The following VPS41 variants were observed in gnomAD, a reference collection of about 807,000 sequenced individuals.
VPS41 encodes the protein VPS41 subunit of HOPS complex, also known as vacuolar protein sorting-associated protein 41 homolog.
In VPS41, 85 loss-of-function variants were observed where a neutral mutation model predicts 130.9. The ratio of observed to expected loss-of-function variants is 0.65; its 90% CI spans 0.55 to 0.78. VPS41 has a LOEUF of 0.78. Ranked by LOEUF, VPS41 falls within the 30% of genes least tolerant of loss-of-function variation. The pLI is 0.00. For synonymous variants in VPS41, 335 were observed against 332.9 expected (o/e 1.01, Z -0.07); for missense variants, 874 against 1,018.7 (o/e 0.86, Z 1.93).
rs3839727 is a variant in VPS41 at position 38,756,213 on chromosome 7, TACACACACACAC to T, written c.1695+613_1695+624del. Reference sequence around the variant, plus strand: ...TGAGCACTTGTAATTAGATTTCTTTTACACACACACACACACACACACACACACACACACACA... The same window carrying T: ...TGAGCACTTGTAATTAGATTTCTTTTACACACACACACACACACACACACA... On this transcript the variant is annotated intron_variant, in intron 19 of 28. Transcript: ENST00000310301. Among the ~76,000 whole-genome samples the T allele has an allele frequency of 6.8e-5, 10 of 146,652 alleles. No homozygotes were observed. The East Asian group carries it at 8.3e-4, about 12-fold the overall frequency.
chr7:38,833,749 T>C (rs1785437079), intron 4 of VPS41, among the ~76,000 whole-genome samples: 1 of 152,140 alleles, frequency 6.6e-6, no homozygotes, highest in Non-Finnish European at 1.5e-5. Context: ...GAGAGAATGT[T>C]CAAAGAATAA....
At chr7:38,884,322 AT>A (rs765025750) in intron 2 of VPS41, among the ~76,000 whole-genome samples, 60 of 152,346 alleles carry the variant, frequency 3.9e-4, no homozygotes, top group Non-Finnish European at 7.8e-4. Flanking sequence ...ACTAAATAGC[AT>A]ACAGGTTTAT....
chr7:38,863,123 C>T (rs186796365), intron 3 of VPS41, among the ~76,000 whole-genome samples: 251 of 152,270 alleles, frequency 1.6e-3, no homozygotes, highest in Admixed American at 2.5e-3. Context: ...TGTACTTATA[C>T]CATCAGTTAG....
rs1186231020 is a variant in VPS41 at position 38,745,851 on chromosome 7, G to A, written c.1927-238C>T. 5.3e-5 allele frequency: 23 copies of A among 433,490 alleles called. No individual in the cohort carries two copies. The East Asian group carries it at 9.1e-4, about 17-fold the overall frequency. 26.9% of individuals were successfully genotyped at this position (433,490 alleles called of 1,614,324 possible). On this transcript the variant is annotated intron_variant, in intron 22 of 28. Transcript: ENST00000310301. ...TTTGAAGCTACTCAGAACATTTCAT[G>A]AGCAAGAGTAGAAAACAAGACACCA...
intron 25 of VPS41, among the ~76,000 whole-genome samples, chr7:38,739,996 T>C (rs1016719523): frequency 3.9e-5 from 6 of 152,220 alleles, no homozygotes; most frequent in African/African-American, 1.4e-4. Flanking sequence ...TAAAAATGAA[T>C]GAACACTGAG....
rs200353754 is a variant in VPS41 at position 38,752,158 on chromosome 7, G to A, written c.1926+18C>T. ...CCTCTTCATCCAAAGTGTACAAGTC[G>A]GGGAGTCTGTGCCTTACCTTTTCAA... On this transcript the variant is annotated intron_variant, in intron 22 of 28. Transcript: ENST00000310301. 46 of 1,613,456 alleles carry A rather than the reference G, an allele frequency of 2.9e-5. No individual in the cohort carries two copies. The highest frequency in any genetic ancestry group is 3.6e-5 in the Non-Finnish European group (42 of 1,179,636).
At chr7:38,908,762 C>A (rs1190386714) in intron 1 of VPS41, among the ~76,000 whole-genome samples, 1 of 152,240 alleles carries the variant, frequency 6.6e-6, no homozygotes, top group Non-Finnish European at 1.5e-5. Flanking sequence ...TCTACTCTCT[C>A]CTAGTTCTTA....
At chr7:38,812,704 A>T (rs1784968271) in intron 7 of VPS41, among the ~76,000 whole-genome samples, 1 of 152,114 alleles carries the variant, frequency 6.6e-6, no homozygotes, top group South Asian at 2.1e-4. Flanking sequence ...AATTAAAAAA[A>T]CCCAATTAAA....
intron 1 of VPS41, among the ~76,000 whole-genome samples, chr7:38,902,811 T>C (rs190413440): frequency 1.4e-3 from 216 of 152,346 alleles, no homozygotes; most frequent in Middle Eastern, 3.4e-3. Context: ...GCACTCAGCC[T>C]GAGGACATTC....
intron 2 of VPS41, among the ~76,000 whole-genome samples, chr7:38,887,912 T>C (rs7800167): frequency 0.23 from 35,687 of 152,110 alleles, 4,458 homozygotes; most frequent in South Asian, 0.46. Context: ...ACCCAGAATT[T>C]CATATCCAGT....
chr7:38,837,846 G>C (rs114569031), intron 4 of VPS41, among the ~76,000 whole-genome samples: 4 of 152,038 alleles, frequency 2.6e-5, no homozygotes, highest in Non-Finnish European at 4.4e-5. Flanking sequence ...TCCTTTCTAT[G>C]CTTTACTAGA....
rs1442214293 is a variant in VPS41 at position 38,829,249 on chromosome 7, T to C, written c.321+1005A>G. Reference sequence around the variant, plus strand: ...GTTTCAAAAGACTCTTTGGGCAACATTAGGCTTAGATATATAAAATGCATT... The same window carrying C: ...GTTTCAAAAGACTCTTTGGGCAACACTAGGCTTAGATATATAAAATGCATT... On this transcript the variant is annotated intron_variant, in intron 5 of 28. Transcript: ENST00000310301. Among the ~76,000 whole-genome samples, 3 of 152,198 alleles carry C rather than the reference T, an allele frequency of 2.0e-5. 1 individual carries two copies. In the East Asian group the frequency reaches 5.8e-4, roughly 29 times the overall value.
chr7:38,877,950 T>C (rs1786524888), intron 2 of VPS41, among the ~76,000 whole-genome samples: 1 of 152,138 alleles, frequency 6.6e-6, no homozygotes, highest in Non-Finnish European at 1.5e-5. Flanking sequence ...TTAGCTACTC[T>C]TTTCCAGAAG....
intron 10 of VPS41, among the ~76,000 whole-genome samples, chr7:38,780,597 G>A (rs949834480): frequency 2.0e-5 from 3 of 152,208 alleles, no homozygotes; most frequent in South Asian, 4.2e-4. Context: ...TTCTGTACAC[G>A]GTCCTCATCC....
At chr7:38,896,341 A>T (rs547678298) in intron 2 of VPS41, among the ~76,000 whole-genome samples, 1 of 152,324 alleles carries the variant, frequency 6.6e-6, no homozygotes, top group East Asian at 1.9e-4. Flanking sequence ...CCCTATCTAT[A>T]AGCAAACTCA....
At chr7:38,748,085 C>A (rs1432938459) in intron 22 of VPS41, among the ~76,000 whole-genome samples, 1 of 152,144 alleles carries the variant, frequency 6.6e-6, no homozygotes, top group Non-Finnish European at 1.5e-5. Flanking sequence ...CTTTAGAAAT[C>A]TCTAGAAATT....
chr7:38,828,914 G>A (rs774963961), intron 5 of VPS41, among the ~76,000 whole-genome samples: 16 of 152,080 alleles, frequency 1.1e-4, no homozygotes, highest in Non-Finnish European at 2.1e-4. Context: ...ATTCCTAGAT[G>A]AAGTATTTAG....
chr7:38,783,042 C>T (rs1015620406), intron 10 of VPS41, among the ~76,000 whole-genome samples: 7 of 151,038 alleles, frequency 4.6e-5, no homozygotes, highest in African/African-American at 1.7e-4. Context: ...CGCTTGAACC[C>T]GCGAGCACCC....
intron 9 of VPS41, among the ~76,000 whole-genome samples, chr7:38,793,215 T>TA (rs1490413772): frequency 6.6e-6 from 1 of 152,228 alleles, no homozygotes; most frequent in Non-Finnish European, 1.5e-5. Flanking sequence ...CATTCATTTG[T>TA]ATATTTGTGT....
Sources: allele counts gnomAD v4.1 joint callset (sites outside exome capture counted in the v4.1 genomes callset), GRCh38; gene constraint gnomAD v4.1.1; transcripts MANE v1.5; gene names NCBI Gene and HGNC (gene_info 2026-07-23, HGNC 2026-07-21).